Variants in CPA4 observed in about 807,000 individuals in gnomAD.
CPA4 encodes carboxypeptidase A4.
In CPA4, 49 loss-of-function variants were observed where a neutral mutation model predicts 54.7. The observed-to-expected ratio is 0.90, with a 90% CI of 0.71 to 1.14. The LOEUF is 1.14. CPA4 is among the 50% of genes most tolerant of loss of function. The probability of loss-of-function intolerance (pLI) is 0.00; values close to 1 mark genes in which losing one functional copy is unlikely to be tolerated. For missense variants in CPA4, 487 were observed against 525.1 expected, an observed-to-expected ratio of 0.93 and a Z score of 0.71; for synonymous variants, 215 against 206.8, an observed-to-expected ratio of 1.04 and a Z score of -0.34.
intron 3 of CPA4, chr7:130,299,809 G>C (rs971489972): frequency 5.8e-6 from 1 of 173,232 alleles, no homozygotes; most frequent in African/African-American, 2.3e-5. Flanking sequence ...TCCTACGTCT[G>C]CCATTAAGTC....
rs1047143815 is a variant in CPA4 at position 130,308,456 on chromosome 7, A to G, written c.793+59A>G. On this transcript the variant is annotated intron_variant, in intron 8 of 10. Coordinates refer to ENST00000222482, the MANE Select transcript of CPA4 (RefSeq NM_016352.4). The stretch of plus-strand genomic sequence containing the variant: ...TGTCCCTGGGCTCGCCTGGTCTACC[A>G]GTGCTCTGAGCTGGCCGGGACGGAG... 5.0e-6 allele frequency: 7 copies of G among 1,398,596 alleles called. No homozygotes were observed. The East Asian group carries it at 1.4e-4, about 27-fold the overall frequency. 86.6% of individuals were successfully genotyped at this position (1,398,596 alleles called of 1,614,324 possible). A position where few individuals can be genotyped will look rare whatever the true frequency, so the allele number is the denominator to read the frequency against.
chr7:130,300,333 A>ATT (rs767924823), intron 3 of CPA4, among the ~76,000 whole-genome samples: 39 of 124,422 alleles, frequency 3.1e-4, no homozygotes, highest in Admixed American at 3.3e-4. Flanking sequence ...CAAGAAGTAA[A>ATT]TTTTTTTTTT....
chr7:130,314,422 C>T (rs1323548240), intron 10 of CPA4, among the ~76,000 whole-genome samples: 3 of 152,150 alleles, frequency 2.0e-5, no homozygotes, highest in South Asian at 2.1e-4. Context: ...GGTGTCAGCT[C>T]TTTTAACAAA....
At chr7:130,313,054 T>C (rs1793937136) in intron 10 of CPA4, among the ~76,000 whole-genome samples, 1 of 152,202 alleles carries the variant, frequency 6.6e-6, no homozygotes, top group African/African-American at 2.4e-5. Flanking sequence ...GCTCCTGCTC[T>C]GTCAATCCAG....
At position 130,298,838 on chromosome 7, in the gene CPA4, C is replaced by G. The variant is rs1562927995; in HGVS notation, c.150+11C>G. On this transcript the variant is annotated intron_variant, in intron 2 of 10. Transcript: ENST00000222482. Reference sequence around the variant, plus strand: ...TCAAACAACTTGAAGGTACCTGGTTCTTTTTAGCTCTCCTGAGTGTTTTCT... The same window carrying G: ...TCAAACAACTTGAAGGTACCTGGTTGTTTTTAGCTCTCCTGAGTGTTTTCT... 3 of 1,516,068 alleles carry G rather than the reference C, an allele frequency of 2.0e-6. No homozygotes were observed. The highest frequency in any genetic ancestry group is 1.7e-5 in the Admixed American group (1 of 59,792). 93.9% of individuals were successfully genotyped at this position (1,516,068 alleles called of 1,614,324 possible).
chr7:130,318,758 C>A (rs762113983), intron 10 of CPA4, among the ~76,000 whole-genome samples: 2 of 152,054 alleles, frequency 1.3e-5, no homozygotes, highest in African/African-American at 4.8e-5. Context: ...TCTTTATAGG[C>A]CTTGTCTGTC....
chr7:130,302,875 A>C (rs554872232), intron 4 of CPA4, among the ~76,000 whole-genome samples: 66 of 152,208 alleles, frequency 4.3e-4, no homozygotes, highest in African/African-American at 1.6e-3. Flanking sequence ...GGTTTGCCTA[A>C]GCCTGTAGCA....
chr7:130,300,914 T>C lies in CPA4; in HGVS notation c.384T>C (p.Ala128=). Residue 128 remains alanine, a splice_region_variant and synonymous_variant, in exon 4 of 11, where the codon GCT becomes GCC. Transcript: ENST00000222482. ...FNYGAYHSLE[A]IYHEMDNIAA... Reference sequence around the variant, plus strand: ...ACGGGGCTTACCATTCCCTGGAAGCTGTAAGTGTTTCAGAGTGGGTTAAGA... The same window carrying C: ...ACGGGGCTTACCATTCCCTGGAAGCCGTAAGTGTTTCAGAGTGGGTTAAGA... 6.2e-7 allele frequency: 1 copy of C among 1,602,228 alleles called. No homozygotes were observed. Among genetic ancestry groups the C allele is most frequent in the Non-Finnish European group, 8.6e-7 (1 of 1,169,128 alleles).
rs555048186 is a variant in CPA4 at position 130,307,040 on chromosome 7, G to A, written c.702+143G>A. ...TCATCTTCTAGTCATCCTCAGAGCT[G>A]AGAATCACCAGGGGATATTTCTTCT... On this transcript the variant is annotated intron_variant, in intron 7 of 10. Coordinates refer to ENST00000222482, the MANE Select transcript of CPA4 (RefSeq NM_016352.4). The A allele has an allele frequency of 8.3e-4, 558 of 674,154 alleles. 3 individuals are homozygous for A. The highest frequency in any genetic ancestry group is 3.1e-4 in the Non-Finnish European group (115 of 375,934). 41.8% of individuals were successfully genotyped at this position (674,154 alleles called of 1,614,324 possible).
chr7:130,293,714 A>G (rs1258541180), intron 1 of CPA4, among the ~76,000 whole-genome samples: 1 of 152,182 alleles, frequency 6.6e-6, no homozygotes, highest in Non-Finnish European at 1.5e-5. Flanking sequence ...AAGGCTTTGC[A>G]GAGCTGGTGC....
intron 10 of CPA4, among the ~76,000 whole-genome samples, chr7:130,321,650 A>G (rs1391922383): frequency 1.3e-5 from 2 of 152,220 alleles, no homozygotes; most frequent in African/African-American, 2.4e-5. Flanking sequence ...CCTCACAATC[A>G]TGGCAGAAGG....
chr7:130,300,826 A>T lies in CPA4; in HGVS notation c.296A>T (p.Asp99Val), dbSNP rs1793728849. 1 of 1,612,608 alleles carries T rather than the reference A, an allele frequency of 6.2e-7. No individual in the cohort carries two copies. Among genetic ancestry groups the T allele is most frequent in the African/African-American group, 1.3e-5 (1 of 75,010 alleles). The change falls in exon 4 of 11, where the codon GAC becomes GTC. Residue 99 changes from aspartate (D) to valine (V), a missense_variant. Physicochemically the swap from Asp to Val is radical, Grantham distance 152. Coordinates refer to ENST00000222482, the MANE Select transcript of CPA4 (RefSeq NM_016352.4). ...VTIEDLQALLDNEDDEMQHNE... is the reference protein window; with the variant it reads ...VTIEDLQALLVNEDDEMQHNE... ...GCTGTGTGTTTTCAGGCCCTTTTAG[A>T]CAATGAAGATGATGAAATGCAACAC...
intron 10 of CPA4, among the ~76,000 whole-genome samples, chr7:130,313,141 T>C (rs1265058560): frequency 6.6e-6 from 1 of 152,192 alleles, no homozygotes; most frequent in African/African-American, 2.4e-5. Flanking sequence ...CGGAGAGTTT[T>C]TGATCTCAGA....
intron 1 of CPA4, among the ~76,000 whole-genome samples, chr7:130,297,108 C>G (rs571547096): frequency 1.3e-5 from 2 of 151,926 alleles, no homozygotes; most frequent in African/African-American, 2.4e-5. Flanking sequence ...TGAACCACCA[C>G]GCCCAGCTAA....
chr7:130,299,597 G>T, intron 3 of CPA4, 193 bp downstream of exon 3: 1 of 563,606 alleles, frequency 1.8e-6, no homozygotes. Flanking sequence ...GCATAAATAG[G>T]CCAGGGAACC....
intron 9 of CPA4, among the ~76,000 whole-genome samples, chr7:130,311,422 G>T (rs1249601106): frequency 2.0e-5 from 3 of 152,152 alleles, no homozygotes; most frequent in African/African-American, 7.2e-5. Context: ...GCATCTGGAG[G>T]GTGACTGCAG....
rs1359968486 is a variant in CPA4, at chr7:130,299,383, A to C, written c.264A>C (p.Ala88=). ...TGAGATCCCAGGGCTTAGAGTACGC[A>C]GTGACAATTGAGGACCTGCAGGTAG... ...SFLRSQGLEY[A]VTIEDLQALL... The change falls in exon 3 of 11, where the codon GCA becomes GCC. Residue 88 remains alanine, a synonymous_variant. Transcript: ENST00000222482. 1.2e-6 allele frequency: 2 copies of C among 1,614,140 alleles called. No homozygotes were observed. Among genetic ancestry groups the C allele is most frequent in the Non-Finnish European group, 1.7e-6 (2 of 1,179,988 alleles).
chr7:130,321,729 T>C (rs1232636581), intron 10 of CPA4, among the ~76,000 whole-genome samples: 2 of 152,112 alleles, frequency 1.3e-5, no homozygotes, highest in Non-Finnish European at 2.9e-5. Context: ...GGTTTCCCCT[T>C]ATAAAACCAT....
At chr7:130,299,235 G>A (rs772854433) in intron 2 of CPA4, 35 bp from the exon 3 acceptor site, 3 of 1,608,078 alleles carry the variant, frequency 1.9e-6, no homozygotes, top group Non-Finnish European at 1.7e-6. Context: ...TACCTGAACG[G>A]TCCTTTAACC....
Sources: gnomAD v4.1 joint callset for allele counts (sites outside exome capture counted in the v4.1 genomes callset) on GRCh38, gnomAD v4.1.1 for gene constraint, MANE v1.5 for transcripts, NCBI Gene and HGNC (gene_info 2026-07-23, HGNC 2026-07-21) for gene names.